MVB12B: variants seen among roughly 807,000 people sequenced by gnomAD.
MVB12B encodes the protein multivesicular body subunit 12B, also known as ESCRT-I complex subunit MVB12B.
MVB12B carries 16 observed loss-of-function variants against 41.6 expected under a neutral mutation model. The observed-to-expected ratio is 0.38, with a 90% CI of 0.26 to 0.58. MVB12B has a LOEUF of 0.58. Ranked by LOEUF, MVB12B falls within the 20% of genes least tolerant of loss-of-function variation. The pLI, the probability that MVB12B is intolerant of heterozygous loss-of-function variation, is 0.62. For synonymous variants in MVB12B, 133 were observed against 139.7 expected (o/e 0.95, Z 0.34); for missense variants, 274 against 380.2 (o/e 0.72, Z 2.32).
chr9:126,464,058 G>A (rs1297812706), intron 7 of MVB12B, among the ~76,000 whole-genome samples: 1 of 152,150 alleles, frequency 6.6e-6, no homozygotes, highest in Non-Finnish European at 1.5e-5. Context: ...TCACTCATCT[G>A]TCTATCACCT....
Position 126,395,511 on chromosome 9 carries a change from T to A in MVB12B, c.540-64T>A. 6.3e-7 allele frequency: 1 copy of A among 1,583,166 alleles called. No individual in the cohort carries two copies. Among genetic ancestry groups the A allele is most frequent in the South Asian group, 1.1e-5 (1 of 87,388 alleles). On this transcript the variant is annotated intron_variant, in intron 5 of 9. Transcript: ENST00000361171. The surrounding 1 kb of genome is among the most constrained non-coding windows in gnomAD (Gnocchi z 4.9). ...GACTCTTTTAAATGAATTGGTTTGC[T>A]TTGTCACTCAGGTAAATGCTTTGTG...
At chr9:126,481,779 C>A (rs1345522283) in intron 8 of MVB12B, among the ~76,000 whole-genome samples, 1 of 152,244 alleles carries the variant, frequency 6.6e-6, no homozygotes, top group African/African-American at 2.4e-5. Flanking sequence ...ACGTGATTAA[C>A]CCGACCTGAG....
intron 2 of MVB12B, among the ~76,000 whole-genome samples, chr9:126,372,117 G>A (rs1312111817): frequency 6.6e-6 from 1 of 152,184 alleles, no homozygotes; most frequent in East Asian, 1.9e-4. Context: ...GACTTTTCAT[G>A]TAAACAAAAT....
chr9:126,420,333 C>A (rs532630477), intron 6 of MVB12B, among the ~76,000 whole-genome samples: 1 of 152,344 alleles, frequency 6.6e-6, no homozygotes, highest in East Asian at 1.9e-4. Context: ...ACTTACAGTG[C>A]ATGTGTCTGC....
chr9:126,499,626 G>A (rs1380947273), intron 9 of MVB12B, among the ~76,000 whole-genome samples: 1 of 152,190 alleles, frequency 6.6e-6, no homozygotes, highest in South Asian at 2.1e-4. Flanking sequence ...AGCGGGCAGG[G>A]ACCGCGTCTG....
intron 6 of MVB12B, among the ~76,000 whole-genome samples, chr9:126,417,091 G>C (rs947671264): frequency 6.6e-6 from 1 of 152,220 alleles, no homozygotes; most frequent in African/African-American, 2.4e-5. Flanking sequence ...TCCAGGAGTA[G>C]TGGAAGCAGA....
At chr9:126,455,766 G>A (rs762126307) in intron 7 of MVB12B, among the ~76,000 whole-genome samples, 4 of 152,164 alleles carry the variant, frequency 2.6e-5, no homozygotes, top group South Asian at 4.2e-4. Context: ...AATTGCAGGC[G>A]TGCAAACCAC....
chr9:126,427,752 A>G (rs1588164510), intron 7 of MVB12B, among the ~76,000 whole-genome samples: 1 of 152,230 alleles, frequency 6.6e-6, no homozygotes, highest in South Asian at 2.1e-4. Flanking sequence ...AAAGCCACAC[A>G]GTGCAGTGAG....
chr9:126,469,326 G>A (rs1421527238), intron 7 of MVB12B, among the ~76,000 whole-genome samples: 1 of 152,228 alleles, frequency 6.6e-6, no homozygotes, highest in Non-Finnish European at 1.5e-5. Flanking sequence ...AGCGGCTCCG[G>A]ATTCAAGGGG....
chr9:126,404,375 T>C (rs866542616), intron 6 of MVB12B, among the ~76,000 whole-genome samples: 2 of 152,282 alleles, frequency 1.3e-5, no homozygotes. Context: ...AGTTAGCAAG[T>C]GTCAGGGCTA....
intron 6 of MVB12B, among the ~76,000 whole-genome samples, chr9:126,410,594 C>T (rs1326521257): frequency 1.3e-5 from 2 of 152,164 alleles, no homozygotes; most frequent in African/African-American, 4.8e-5. Context: ...AGGAACAAAG[C>T]CTTCACGCGG....
At chr9:126,375,363 C>CTTTTTTTTTTTTTT (rs35585049) in intron 2 of MVB12B, among the ~76,000 whole-genome samples, 1 of 105,194 alleles carries the variant, frequency 9.5e-6, no homozygotes, top group Non-Finnish European at 1.8e-5. Flanking sequence ...TAAATTGATT[C>CTTTTTTTTTTTTTT]TTTTTTTTTT....
chr9:126,392,000 G>GT lies in MVB12B; in HGVS notation c.410-62dup. 1.3e-6 allele frequency: 2 copies of GT among 1,587,874 alleles called. No individual in the cohort carries two copies. Among genetic ancestry groups the GT allele is most frequent in the Non-Finnish European group, 1.7e-6 (2 of 1,157,746 alleles). ...GGAATAGGGCGTGACAGGGGATGTG[G>GT]TTTTCAGAATAGAGATTCTGGTATC... On this transcript the variant is annotated intron_variant, in intron 4 of 9. Coordinates refer to ENST00000361171, the MANE Select transcript of MVB12B (RefSeq NM_033446.3). This position sits in a 1 kb window ranked among gnomAD's most constrained non-coding sequence, Gnocchi z 4.4.
intron 6 of MVB12B, among the ~76,000 whole-genome samples, chr9:126,412,390 C>T (rs1831676037): frequency 6.6e-6 from 1 of 152,144 alleles, no homozygotes; most frequent in South Asian, 2.1e-4. Context: ...TGTTGCTTTT[C>T]ATATTTCTTC....
chr9:126,482,525 G>A (rs1260265989), intron 8 of MVB12B, among the ~76,000 whole-genome samples: 1 of 152,070 alleles, frequency 6.6e-6, no homozygotes, highest in Non-Finnish European at 1.5e-5. Context: ...CCATGGCGAC[G>A]CTGGCGCCTC....
At chr9:126,412,310 A>G (rs1298561121) in intron 6 of MVB12B, among the ~76,000 whole-genome samples, 1 of 152,220 alleles carries the variant, frequency 6.6e-6, no homozygotes, top group African/African-American at 2.4e-5. Context: ...TGGTGTTTGC[A>G]GGAATAATGT....
intron 9 of MVB12B, among the ~76,000 whole-genome samples, chr9:126,495,941 C>T (rs1225592788): frequency 2.6e-5 from 4 of 152,136 alleles, no homozygotes; most frequent in Non-Finnish European, 5.9e-5. Flanking sequence ...TGACATGCTG[C>T]TGTGGATGGG....
chr9:126,406,259 C>T (rs921796635), intron 6 of MVB12B, among the ~76,000 whole-genome samples: 3 of 152,198 alleles, frequency 2.0e-5, no homozygotes, highest in Non-Finnish European at 4.4e-5. Flanking sequence ...GCTGTGAGCT[C>T]GACCTTGCAT....
chr9:126,397,189 C>T (rs1831141385), intron 6 of MVB12B: 1 of 985,390 alleles, frequency 1.0e-6, no homozygotes, highest in Non-Finnish European at 1.2e-6. Flanking sequence ...TCCCTGCTGA[C>T]ATCATGTGGT....
Sources: gnomAD v4.1 joint callset for allele counts (sites outside exome capture counted in the v4.1 genomes callset) on GRCh38, gnomAD v4.1.1 for gene constraint, Gnocchi (gnomAD v3.1) non-coding constraint, MANE v1.5 for transcripts, NCBI Gene and HGNC (gene_info 2026-07-23, HGNC 2026-07-21) for gene names.